The following TANC1 variants were observed in gnomAD, a reference collection of about 807,000 sequenced individuals.
TANC1 encodes tetratricopeptide repeat, ankyrin repeat and coiled-coil containing 1, also known as protein TANC1.
In TANC1, 77 loss-of-function variants were observed where a neutral mutation model predicts 149.7. That is an observed-to-expected ratio of 0.51 (90% CI 0.43 to 0.62). The LOEUF is 0.62. Ranked by LOEUF, TANC1 falls within the 20% of genes least tolerant of loss-of-function variation. The probability of loss-of-function intolerance (pLI) is 0.00; values close to 1 mark genes in which losing one functional copy is unlikely to be tolerated. For missense variants in TANC1, 1,985 were observed against 2,321.8 expected, an observed-to-expected ratio of 0.85 and a Z score of 2.98; for synonymous variants, 854 against 925.0, an observed-to-expected ratio of 0.92 and a Z score of 1.39.
chr2:159,023,385 C>G lies in TANC1; in HGVS notation c.-16+22196C>G, dbSNP rs111980630. Among the ~76,000 whole-genome samples, 25 of 151,902 alleles carry G rather than the reference C, an allele frequency of 1.6e-4. 1 individual carries two copies. The highest frequency in any genetic ancestry group is 6.0e-4 in the African/African-American group (25 of 41,416). ...TGAGGCAGAGTCTCGCTCTGTCACC[C>G]AGGCTGGAGTGCAGTGGTACGATCT... is the stretch of plus-strand genomic sequence containing the variant. On this transcript the variant is annotated intron_variant, in intron 2 of 26. Transcript: ENST00000263635.
chr2:158,969,353 A>G (rs567501762), intron 1 of TANC1, among the ~76,000 whole-genome samples: 1 of 152,280 alleles, frequency 6.6e-6, no homozygotes, highest in South Asian at 2.1e-4. Context: ...TCTGGGCTGA[A>G]AGTCTATTGC....
chr2:159,210,340 C>A (rs1038851924), intron 19 of TANC1, among the ~76,000 whole-genome samples: 2 of 152,156 alleles, frequency 1.3e-5, no homozygotes, highest in African/African-American at 4.8e-5. Context: ...GGGAGCACAT[C>A]CTGTGAATTT....
intron 2 of TANC1, among the ~76,000 whole-genome samples, chr2:159,019,152 C>G (rs1056919123): frequency 6.6e-6 from 1 of 152,264 alleles, no homozygotes; most frequent in Admixed American, 6.5e-5. Context: ...TGCAGCAGAG[C>G]CGGGATTGCA....
intron 4 of TANC1, among the ~76,000 whole-genome samples, chr2:159,116,097 G>T (rs1368770609): frequency 6.6e-6 from 1 of 152,134 alleles, no homozygotes; most frequent in Admixed American, 6.5e-5. Context: ...ATCTGACGCA[G>T]AGGCTGTGAA....
chr2:158,982,488 C>T (rs1381828035), intron 1 of TANC1, among the ~76,000 whole-genome samples: 1 of 152,272 alleles, frequency 6.6e-6, no homozygotes, highest in Non-Finnish European at 1.5e-5. Context: ...TATGCCAAGG[C>T]CAAAGGCGAA....
chr2:159,055,123 G>A (rs150526535), intron 2 of TANC1, among the ~76,000 whole-genome samples: 263 of 152,348 alleles, frequency 1.7e-3, no homozygotes, highest in Middle Eastern at 0.01. Flanking sequence ...GTAATTCTGA[G>A]TGTGGTTGTT....
intron 3 of TANC1, among the ~76,000 whole-genome samples, chr2:159,067,958 A>G (rs964619301): frequency 2.0e-5 from 3 of 152,218 alleles, no homozygotes; most frequent in African/African-American, 7.2e-5. Context: ...TGGTCTTTAA[A>G]AGCAACTATT....
At chr2:159,159,376 G>T (rs1207502253) in intron 7 of TANC1, among the ~76,000 whole-genome samples, 1 of 151,062 alleles carries the variant, frequency 6.6e-6, no homozygotes, top group Non-Finnish European at 1.5e-5. Flanking sequence ...GAAGTTCGAG[G>T]CTGCAGTGAG....
intron 2 of TANC1, among the ~76,000 whole-genome samples, chr2:159,058,804 A>C (rs184739203): frequency 6.6e-6 from 1 of 151,612 alleles, no homozygotes; most frequent in Admixed American, 6.6e-5. Flanking sequence ...AATACTGGCT[A>C]AGGTAAGGTG....
At chr2:159,165,502 G>A (rs149948229) in intron 8 of TANC1, among the ~76,000 whole-genome samples, 5 of 152,286 alleles carry the variant, frequency 3.3e-5, no homozygotes, top group African/African-American at 1.2e-4. Context: ...TAGGAGTCTG[G>A]TAGATTCTTC....
At chr2:159,203,163 C>T (rs1396014414) in intron 19 of TANC1, among the ~76,000 whole-genome samples, 1 of 151,918 alleles carries the variant, frequency 6.6e-6, no homozygotes, top group Non-Finnish European at 1.5e-5. Flanking sequence ...CAGTTCCCTT[C>T]GTAGGACTTA....
chr2:159,066,884 A>G (rs886408211), intron 3 of TANC1, among the ~76,000 whole-genome samples: 16 of 152,188 alleles, frequency 1.1e-4, no homozygotes, highest in African/African-American at 3.6e-4. Context: ...GTGAATACTC[A>G]CTGGTACACC....
chr2:159,125,334 GT>G (rs2049326204), intron 4 of TANC1, among the ~76,000 whole-genome samples: 1 of 152,180 alleles, frequency 6.6e-6, no homozygotes, highest in South Asian at 2.1e-4. Flanking sequence ...TTATGTCAGT[GT>G]TTTATTGCTG....
intron 3 of TANC1, among the ~76,000 whole-genome samples, chr2:159,089,399 A>G (rs2045297587): frequency 1.3e-5 from 2 of 152,134 alleles, no homozygotes. Flanking sequence ...TCATGCATTT[A>G]TCGCCTGCAC....
At chr2:159,029,971 G>A (rs1422535751) in intron 2 of TANC1, among the ~76,000 whole-genome samples, 1 of 152,176 alleles carries the variant, frequency 6.6e-6, no homozygotes, top group African/African-American at 2.4e-5. Context: ...TTATAGGTGT[G>A]AGCCACTGTA....
At chr2:159,016,253 C>T (rs2038253836) in intron 2 of TANC1, among the ~76,000 whole-genome samples, 1 of 152,148 alleles carries the variant, frequency 6.6e-6, no homozygotes, top group Non-Finnish European at 1.5e-5. Flanking sequence ...AAAGCAGAAA[C>T]CCCTAATAAA....
chr2:159,099,504 A>C (rs74267601), intron 4 of TANC1, among the ~76,000 whole-genome samples: 18,470 of 150,686 alleles, frequency 0.12, 1,231 homozygotes, highest in African/African-American at 0.16. Context: ...GACCAAAAAA[A>C]AAAACAAAAC....
At chr2:159,016,346 A>T (rs2038264661) in intron 2 of TANC1, among the ~76,000 whole-genome samples, 2 of 152,164 alleles carry the variant, frequency 1.3e-5, no homozygotes, top group African/African-American at 4.8e-5. Flanking sequence ...TCTCCCACTG[A>T]GTCTCTCCCA....
At chr2:159,038,184 G>T (rs535126720) in intron 2 of TANC1, among the ~76,000 whole-genome samples, 16 of 152,258 alleles carry the variant, frequency 1.1e-4, no homozygotes, top group Non-Finnish European at 1.9e-4. Context: ...GAATGCTTGT[G>T]ATTTTTGCCC....
Sources: gnomAD v4.1 joint callset for allele counts (sites outside exome capture counted in the v4.1 genomes callset) on GRCh38, gnomAD v4.1.1 for gene constraint, MANE v1.5 for transcripts, NCBI Gene and HGNC (gene_info 2026-07-23, HGNC 2026-07-21) for gene names.